The following KCNAB2 variants were observed in gnomAD, a reference collection of about 807,000 sequenced individuals.
The protein encoded by KCNAB2 is potassium voltage-gated channel subfamily A regulatory beta subunit 2.
A neutral mutation model predicts 63.6 loss-of-function variants in KCNAB2; 29 were observed. That is an observed-to-expected ratio of 0.46 (90% CI 0.34 to 0.62). The LOEUF (loss-of-function observed/expected upper bound fraction) is 0.62. Among genes scored for constraint, KCNAB2 ranks in the 20% least tolerant of loss-of-function variants. The pLI is 0.01. For synonymous variants in KCNAB2, 222 were observed against 224.2 expected, an observed-to-expected ratio of 0.99 and a Z score of 0.09; for missense variants, 359 against 563.9, an observed-to-expected ratio of 0.64 and a Z score of 3.68.
At chr1:6,046,242 C>T in intron 1 of KCNAB2, 59 bp downstream of exon 1, 1 of 968,562 alleles carries the variant, frequency 1.0e-6, no homozygotes, top group East Asian at 1.1e-4. Context: ...GGGCACGCAT[C>T]CGCGGGAATG....
At chr1:6,091,743 T>C (rs945717853) in intron 10 of KCNAB2, among the ~76,000 whole-genome samples, 1 of 151,736 alleles carries the variant, frequency 6.6e-6, no homozygotes, top group Non-Finnish European at 1.5e-5. Flanking sequence ...TCCTCCATGG[T>C]TTATGTTTGC....
At chr1:6,072,564 G>A (rs1360539860) in intron 2 of KCNAB2, among the ~76,000 whole-genome samples, 191 bp from the exon 3 acceptor site, 3 of 152,198 alleles carry the variant, frequency 2.0e-5, no homozygotes, top group African/African-American at 7.2e-5. Context: ...GTGGGCCGGG[G>A]GCAGTTGGCA....
At chr1:6,084,642 C>T (rs560536485) in intron 5 of KCNAB2, among the ~76,000 whole-genome samples, 2 of 152,054 alleles carry the variant, frequency 1.3e-5, no homozygotes, top group Non-Finnish European at 2.9e-5. Flanking sequence ...ATAGTGAAAC[C>T]CCGTCTCTAC....
At position 6,086,228 on chromosome 1, in the gene KCNAB2, T is replaced by A. The variant is rs181114091; in HGVS notation, c.425+980T>A. On this transcript the variant is annotated intron_variant, in intron 6 of 15. Transcript: ENST00000378083. This position sits in a 1 kb window ranked among gnomAD's most constrained non-coding sequence, Gnocchi z 4.2. ...CTCGAAATGCCACTCAGAATCCCAGTGCCAAGGGGAGCCCCCGCCCCCTCC... is the reference window on the plus strand; with the variant it reads ...CTCGAAATGCCACTCAGAATCCCAGAGCCAAGGGGAGCCCCCGCCCCCTCC... The A allele has an allele frequency of 2.8e-5, 28 of 985,250 alleles. No homozygotes were observed. The African/African-American group carries it at 4.0e-4, about 14-fold the overall frequency. 61.0% of individuals were successfully genotyped at this position (985,250 alleles called of 1,614,324 possible).
At chr1:6,051,488 C>G in intron 1 of KCNAB2, 23 bp from the exon 2 acceptor site, 1 of 1,473,628 alleles carries the variant, frequency 6.8e-7, no homozygotes, top group Non-Finnish European at 9.0e-7. Flanking sequence ...GGCACACTGT[C>G]TAACTCATCA....
chr1:6,071,910 C>T lies in KCNAB2; in HGVS notation c.219-845C>T, dbSNP rs923495063. Among the ~76,000 whole-genome samples, 3 of 152,056 alleles carry T rather than the reference C, an allele frequency of 2.0e-5. No homozygotes were observed. Among genetic ancestry groups the T allele is most frequent in the Non-Finnish European group, 2.9e-5 (2 of 67,976 alleles). ...GTAGGGCTCCTCCTGCCGCGTAGGGCTCCCGGGAGGATCCGGGGACAGGAT... is the reference window on the plus strand; with the variant it reads ...GTAGGGCTCCTCCTGCCGCGTAGGGTTCCCGGGAGGATCCGGGGACAGGAT... On this transcript the variant is annotated intron_variant, in intron 2 of 15. Coordinates refer to ENST00000378083, the MANE Select transcript of KCNAB2 (RefSeq NM_001199862.2). This position sits in a 1 kb window ranked among gnomAD's most constrained non-coding sequence, Gnocchi z 8.5.
chr1:6,015,039 T>TTG (rs1557933038), intron 1 of KCNAB2, among the ~76,000 whole-genome samples: 5 of 144,038 alleles, frequency 3.5e-5, no homozygotes, highest in African/African-American at 1.0e-4. Flanking sequence ...TTTTTTTTTT[T>TTG]TTTGTTTTTT....
rs116081459 is a variant in KCNAB2 at position 6,090,371 on chromosome 1, C to G, written c.515-18C>G. The G allele has an allele frequency of 3.9e-4, 612 of 1,586,390 alleles. 2 individuals carry two copies. In the African/African-American group the frequency reaches 7.1e-3, roughly 18 times the overall value. On this transcript the variant is annotated intron_variant, in intron 8 of 15. Transcript: ENST00000378083. ...TGGAGCCACAGCAGTGACGCCCCCCCACCTGGTCCTCCCCCAGGTCTGAAA... is the reference window on the plus strand; with the variant it reads ...TGGAGCCACAGCAGTGACGCCCCCCGACCTGGTCCTCCCCCAGGTCTGAAA...
chr1:6,076,409 C>T (rs114192417), intron 4 of KCNAB2, among the ~76,000 whole-genome samples: 1,852 of 152,332 alleles, frequency 0.012, 31 homozygotes, highest in African/African-American at 0.039. Flanking sequence ...TTCAGGTCTC[C>T]AGCCCTCCCA....
chr1:6,032,228 C>T (rs1570905935), upstream of KCNAB2, among the ~76,000 whole-genome samples: 1 of 152,018 alleles, frequency 6.6e-6, no homozygotes, highest in Admixed American at 6.5e-5. Flanking sequence ...ATAGGGGAAC[C>T]GAATATTCAC....
intron 2 of KCNAB2, among the ~76,000 whole-genome samples, chr1:6,057,442 A>G (rs1661933541): frequency 6.6e-6 from 1 of 151,912 alleles, no homozygotes; most frequent in Non-Finnish European, 1.5e-5. Flanking sequence ...GAGGGCACTG[A>G]GGGCAGGAGG....
chr1:6,058,039 T>C (rs1661989699), intron 2 of KCNAB2, among the ~76,000 whole-genome samples: 1 of 152,144 alleles, frequency 6.6e-6, no homozygotes, highest in South Asian at 2.1e-4. Flanking sequence ...TGATCCCAGC[T>C]ATTCCTGAGG....
Position 6,028,007 on chromosome 1 carries a change from A to G in KCNAB2, c.-52-12510A>G, listed in dbSNP as rs566105083. ...GATGGAGCTGTCGGGGAACTGGGTTATGTTGACCTCCCAACCCCTGCCCAC... is the reference window on the plus strand; with the variant it reads ...GATGGAGCTGTCGGGGAACTGGGTTGTGTTGACCTCCCAACCCCTGCCCAC... On this transcript the variant is annotated intron_variant, in intron 1 of 16. Coordinates refer to the KCNAB2 transcript ENST00000341524. The surrounding 1 kb of genome is among the most constrained non-coding windows in gnomAD (Gnocchi z 4.0). Among the ~76,000 whole-genome samples, 113 of 152,346 alleles carry G rather than the reference A, an allele frequency of 7.4e-4. No homozygotes were observed. In the South Asian group the frequency reaches 0.011, roughly 15 times the overall value.
At position 6,071,112 on chromosome 1, in the gene KCNAB2, C is replaced by A. The variant is rs1663146987; in HGVS notation, c.219-1643C>A. 1.3e-5 allele frequency among the ~76,000 whole-genome samples: 2 copies of A among 152,202 alleles called. No individual in the cohort carries two copies. The stretch of plus-strand genomic sequence containing the variant: ...TCCAGGAGCCTTATAACCAGGGAAA[C>A]CGAGGCTGAGAGGGACAGAGTGGGC... On this transcript the variant is annotated intron_variant, in intron 2 of 15. Transcript: ENST00000378083. The surrounding 1 kb of genome is among the most constrained non-coding windows in gnomAD (Gnocchi z 8.5).
At position 6,035,387 on chromosome 1, in the gene KCNAB2, C is replaced by T. The variant is rs758135652; in HGVS notation, c.-53+593C>T. On this transcript the variant is annotated intron_variant, in intron 1 of 15. Coordinates refer to the KCNAB2 transcript ENST00000164247. This position sits in a 1 kb window ranked among gnomAD's most constrained non-coding sequence, Gnocchi z 5.0. ...TATGTTCTGGGAGGATCACCCTGGC[C>T]GCGTAGAGTCTGCCGGCGGGGGTGG... 7.2e-5 allele frequency among the ~76,000 whole-genome samples: 11 copies of T among 152,088 alleles called. No individual in the cohort carries two copies. The highest frequency in any genetic ancestry group is 1.3e-4 in the Non-Finnish European group (9 of 68,022).
intron 6 of KCNAB2, chr1:6,085,740 G>T (rs918297112): frequency 2.7e-6 from 2 of 733,170 alleles, no homozygotes; most frequent in Non-Finnish European, 3.4e-6. Flanking sequence ...TTGTCCACAG[G>T]ATCTTCGCGG....
intron 4 of KCNAB2, among the ~76,000 whole-genome samples, chr1:6,077,264 G>A (rs922906072): frequency 1.3e-5 from 2 of 152,198 alleles, no homozygotes; most frequent in African/African-American, 2.4e-5. Context: ...AGCCAGCATA[G>A]ACAGCAGTCT....
At chr1:6,009,974 G>A (rs1468942009) in intron 1 of KCNAB2, among the ~76,000 whole-genome samples, 2 of 151,248 alleles carry the variant, frequency 1.3e-5, no homozygotes, top group South Asian at 2.1e-4. Flanking sequence ...AGGCTCAGGC[G>A]ATTCTCCTGC....
In KCNAB2 at chr1:6,071,904, G is replaced by A. The variant is rs941607421; in HGVS notation, c.219-851G>A. Among the ~76,000 whole-genome samples, 3 of 151,772 alleles carry A rather than the reference G, an allele frequency of 2.0e-5. No homozygotes were observed. Among genetic ancestry groups the A allele is most frequent in the African/African-American group, 4.9e-5 (2 of 41,154 alleles). ...TGCCGCGTAGGGCTCCTCCTGCCGCGTAGGGCTCCCGGGAGGATCCGGGGA... is the reference window on the plus strand; with the variant it reads ...TGCCGCGTAGGGCTCCTCCTGCCGCATAGGGCTCCCGGGAGGATCCGGGGA... On this transcript the variant is annotated intron_variant, in intron 2 of 15. Transcript: ENST00000378083. This position sits in a 1 kb window ranked among gnomAD's most constrained non-coding sequence, Gnocchi z 8.5.
Sources: allele counts gnomAD v4.1 joint callset (sites outside exome capture counted in the v4.1 genomes callset), GRCh38; gene constraint gnomAD v4.1.1; non-coding constraint Gnocchi (gnomAD v3.1); transcripts MANE v1.5; gene names NCBI Gene and HGNC (gene_info 2026-07-23, HGNC 2026-07-21).